The following PAFAH1B1 variants were observed in gnomAD, a reference collection of about 807,000 sequenced individuals.
PAFAH1B1 encodes the protein platelet-activating factor acetylhydrolase IB subunit beta.
In PAFAH1B1, 2 loss-of-function variants were observed where a neutral mutation model predicts 57.5. The ratio of observed to expected loss-of-function variants is 0.03; its 90% CI spans 0.01 to 0.11. The LOEUF is 0.11. Ranked by LOEUF, PAFAH1B1 falls within the 10% of genes least tolerant of loss-of-function variation. PAFAH1B1 has a pLI of 1.00. For missense variants in PAFAH1B1, 257 were observed against 512.0 expected (o/e 0.50, Z 4.81); for synonymous variants, 152 against 169.6 (o/e 0.90, Z 0.81).
chr17:2,672,285 C>CAAAA lies in PAFAH1B1; in HGVS notation c.569-346_569-343dup, dbSNP rs35332619. Among the ~76,000 whole-genome samples the CAAAA allele has an allele frequency of 6.0e-4, 42 of 69,544 alleles. 4 individuals carry two copies. Among genetic ancestry groups the CAAAA allele is most frequent in the African/African-American group, 1.9e-3 (29 of 14,958 alleles). 45.6% of individuals were successfully genotyped at this position (69,544 alleles called of 152,430 possible). On this transcript the variant is annotated intron_variant, in intron 6 of 10. Transcript: ENST00000397195. ...GGTAACAGAGCAAGTCCTTGCCTCA[C>CAAAA]AAAAAAAAAAAAAAAAAAAAAAAAA... is the stretch of plus-strand genomic sequence containing the variant.
At chr17:2,628,005 C>T (rs745924015) in intron 1 of PAFAH1B1, among the ~76,000 whole-genome samples, 17 of 152,246 alleles carry the variant, frequency 1.1e-4, no homozygotes, top group South Asian at 4.1e-4. Flanking sequence ...TCAAGGTAAA[C>T]GATCATATCG....
At chr17:2,678,854 C>T (rs1365998121) in intron 9 of PAFAH1B1, among the ~76,000 whole-genome samples, 1 of 152,206 alleles carries the variant, frequency 6.6e-6, no homozygotes, top group East Asian at 1.9e-4. Flanking sequence ...CACTATACTC[C>T]AGCCTGGGCA....
At chr17:2,671,581 T>C (rs2069183623) in intron 6 of PAFAH1B1, among the ~76,000 whole-genome samples, 1 of 150,246 alleles carries the variant, frequency 6.7e-6, no homozygotes, top group Non-Finnish European at 1.5e-5. Flanking sequence ...TTTTTTTTTT[T>C]ACCCCCAACA....
rs573531822 is a variant in PAFAH1B1, at chr17:2,619,583, T to C, written c.-190-18516T>C. ...TCTCAGGAGATGTTCCTGAATTACC[T>C]GGGGTCTTGACTTAAAGTTCAGAAC... On this transcript the variant is annotated intron_variant, in intron 1 of 10. Coordinates refer to ENST00000397195, the MANE Select transcript of PAFAH1B1 (RefSeq NM_000430.4). Among the ~76,000 whole-genome samples, 6 of 151,858 alleles carry C rather than the reference T, an allele frequency of 4.0e-5. No individual in the cohort carries two copies. In the South Asian group the frequency reaches 1.0e-3, roughly 26 times the overall value.
At chr17:2,604,836 G>A (rs2068187797) in intron 1 of PAFAH1B1, among the ~76,000 whole-genome samples, 2 of 152,080 alleles carry the variant, frequency 1.3e-5, no homozygotes, top group African/African-American at 2.4e-5. Context: ...GAGTGAACGT[G>A]GGAGGTCATT....
chr17:2,679,410 A>ATGGT (rs1567562725), intron 9 of PAFAH1B1, among the ~76,000 whole-genome samples: 2 of 150,668 alleles, frequency 1.3e-5, no homozygotes, highest in South Asian at 2.1e-4. Context: ...GGATGATTGG[A>ATGGT]TGGATGGATA....
In PAFAH1B1 at chr17:2,667,132, C is replaced by T. The variant is rs369129485; in HGVS notation, c.333C>T (p.Val111=). Residue 111 remains valine, a synonymous_variant, in exon 5 of 11, where the codon GTC becomes GTT. Coordinates refer to ENST00000397195, the MANE Select transcript of PAFAH1B1 (RefSeq NM_000430.4). ...CATTGAGTGGTCACAGGAGTCCAGTCACTCGAGTCATTTTCCATCCTGTGT... is the reference window on the plus strand; with the variant it reads ...CATTGAGTGGTCACAGGAGTCCAGTTACTCGAGTCATTTTCCATCCTGTGT... ...KYALSGHRSP[V]TRVIFHPVFS... 4.3e-6 allele frequency: 7 copies of T among 1,613,706 alleles called. No individual in the cohort carries two copies. The South Asian group carries it at 6.6e-5, about 15-fold the overall frequency.
intron 7 of PAFAH1B1, 188 bp from the exon 8 acceptor site, chr17:2,673,872 G>T (rs1170049591): frequency 7.1e-6 from 4 of 566,356 alleles, no homozygotes; most frequent in Non-Finnish European, 3.2e-6. Flanking sequence ...GATTTTATTA[G>T]CTCCTTAATG....
chr17:2,652,447 T>TC (rs1297499609), intron 2 of PAFAH1B1, among the ~76,000 whole-genome samples: 1 of 152,202 alleles, frequency 6.6e-6, no homozygotes, highest in Non-Finnish European at 1.5e-5. Context: ...AAAACATTTC[T>TC]CCATGTGTTT....
chr17:2,679,994 C>T (rs2069353634), intron 9 of PAFAH1B1, 170 bp from the exon 10 acceptor site: 1 of 662,740 alleles, frequency 1.5e-6, no homozygotes, highest in Non-Finnish European at 2.6e-6. Flanking sequence ...GTTATATTCA[C>T]TCCTCATGTC....
At chr17:2,611,332 G>T (rs1012231922) in intron 1 of PAFAH1B1, among the ~76,000 whole-genome samples, 1 of 151,974 alleles carries the variant, frequency 6.6e-6, no homozygotes, top group Non-Finnish European at 1.5e-5. Context: ...ACCGAGCATG[G>T]TTGTGTGCGC....
At chr17:2,643,213 C>T (rs2068719933) in intron 2 of PAFAH1B1, among the ~76,000 whole-genome samples, 1 of 152,094 alleles carries the variant, frequency 6.6e-6, no homozygotes, top group Admixed American at 6.6e-5. Context: ...ACACCTCAGC[C>T]TCCCGAGTAG....
intron 1 of PAFAH1B1, among the ~76,000 whole-genome samples, chr17:2,596,747 A>G (rs1471303012): frequency 6.6e-6 from 1 of 152,080 alleles, no homozygotes; most frequent in African/African-American, 2.4e-5. Context: ...CCCTATTCCT[A>G]CTGTTTGTAG....
At chr17:2,616,814 A>G (rs2068347648) in intron 1 of PAFAH1B1, among the ~76,000 whole-genome samples, 1 of 152,180 alleles carries the variant, frequency 6.6e-6, no homozygotes, top group Non-Finnish European at 1.5e-5. Flanking sequence ...CTGTAATCCC[A>G]GCACTTTGGG....
At chr17:2,666,947 T>C in intron 4 of PAFAH1B1, 45 bp from the exon 5 acceptor site, 3 of 1,464,794 alleles carry the variant, frequency 2.0e-6, no homozygotes, top group Non-Finnish European at 1.9e-6. Context: ...CACATGCTAT[T>C]TTTATTGAAA....
At chr17:2,598,197 C>T (rs1254315247) in intron 1 of PAFAH1B1, among the ~76,000 whole-genome samples, 4 of 151,768 alleles carry the variant, frequency 2.6e-5, no homozygotes, top group East Asian at 3.9e-4. Context: ...TGCAATGAGC[C>T]GAGATCGCAC....
intron 2 of PAFAH1B1, chr17:2,662,042 C>CAAAAAAA (rs11394286): frequency 4.4e-5 from 3 of 67,834 alleles, no homozygotes; most frequent in African/African-American, 1.2e-4. Context: ...GACTCCATCT[C>CAAAAAAA]AAAAAAAAAA....
rs146510346 is a variant in PAFAH1B1 at position 2,604,127 on chromosome 17, T to C, written c.-191+10121T>C. The stretch of plus-strand genomic sequence containing the variant: ...ATCTTGGCTCACTGCAACCTCCACC[T>C]CCCAGGTTCAAGAGATTTTCCTGCC... On this transcript the variant is annotated intron_variant, in intron 1 of 10. Transcript: ENST00000397195. Among the ~76,000 whole-genome samples the C allele has an allele frequency of 1.3e-3, 190 of 151,964 alleles. 1 individual carries two copies. The East Asian group carries it at 0.014, about 11-fold the overall frequency.
At chr17:2,618,532 G>C (rs1385573579) in intron 1 of PAFAH1B1, among the ~76,000 whole-genome samples, 2 of 152,042 alleles carry the variant, frequency 1.3e-5, no homozygotes, top group Non-Finnish European at 2.9e-5. Context: ...CTAAAGACTG[G>C]AGTCTTTTTC....
Sources: gnomAD v4.1 joint callset for allele counts (sites outside exome capture counted in the v4.1 genomes callset) on GRCh38, gnomAD v4.1.1 for gene constraint, MANE v1.5 for transcripts, NCBI Gene and HGNC (gene_info 2026-07-23, HGNC 2026-07-21) for gene names.